The following DLGAP4 variants were observed in gnomAD, a reference collection of about 807,000 sequenced individuals.
DLGAP4 encodes the protein disks large-associated protein 4.
In DLGAP4, 18 loss-of-function variants were observed where a neutral mutation model predicts 86.9. The observed-to-expected ratio is 0.21, with a 90% CI of 0.14 to 0.31. The LOEUF is 0.31. DLGAP4 is among the 10% of genes least tolerant of loss of function. The pLI is 1.00. For missense variants in DLGAP4, 1,085 were observed against 1,362.6 expected (o/e 0.80, Z 3.21); for synonymous variants, 548 against 574.3 (o/e 0.95, Z 0.65).
At chr20:36,409,417 T>G (rs900229360) in intron 2 of DLGAP4, among the ~76,000 whole-genome samples, 5 of 110,652 alleles carry the variant, frequency 4.5e-5, no homozygotes, top group African/African-American at 1.8e-4. Flanking sequence ...TTTAACTCTT[T>G]TTTTTTTTTT....
At chr20:36,433,780 T>A (rs1253124848) in intron 3 of DLGAP4, among the ~76,000 whole-genome samples, 2 of 151,456 alleles carry the variant, frequency 1.3e-5, no homozygotes, top group African/African-American at 4.9e-5. Flanking sequence ...GCCTCCTGAG[T>A]AGCTGGGATT....
At chr20:36,478,067 G>A (rs185068796) in intron 7 of DLGAP4, among the ~76,000 whole-genome samples, 1 of 152,330 alleles carries the variant, frequency 6.6e-6, no homozygotes, top group East Asian at 1.9e-4. Context: ...GGAGGATAGA[G>A]GGTAAAGATT....
intron 1 of DLGAP4, among the ~76,000 whole-genome samples, chr20:36,344,019 A>G (rs1482164935): frequency 6.6e-6 from 1 of 152,182 alleles, no homozygotes; most frequent in African/African-American, 2.4e-5. Flanking sequence ...TCACCTTGCC[A>G]GGGGAGCCTA....
intron 7 of DLGAP4, among the ~76,000 whole-genome samples, chr20:36,467,632 G>A (rs1038049869): frequency 2.0e-5 from 3 of 152,226 alleles, no homozygotes; most frequent in Non-Finnish European, 4.4e-5. Context: ...TGACACAAGA[G>A]GGTGAGGTTT....
chr20:36,372,788 C>T (rs755113798), intron 2 of DLGAP4, among the ~76,000 whole-genome samples: 5 of 152,176 alleles, frequency 3.3e-5, no homozygotes, highest in Non-Finnish European at 5.9e-5. Context: ...AACTTACATC[C>T]GGCCAGGCAA....
chr20:36,331,415 C>T (rs946091425), intron 1 of DLGAP4, among the ~76,000 whole-genome samples: 1 of 152,246 alleles, frequency 6.6e-6, no homozygotes, highest in African/African-American at 2.4e-5. Flanking sequence ...GAACATTAAT[C>T]CACCTCATTA....
rs1255002459 is a variant in DLGAP4, at chr20:36,500,335, G to A, written c.2236G>A (p.Asp746Asn). The change falls in exon 10 of 13, where the codon GAT becomes AAT. Residue 746 changes from aspartate (D) to asparagine (N), a missense_variant. Asp to Asn is a conservative substitution (Grantham distance 23). Around this residue, in one of 2 missense-constraint regions of DLGAP4, gnomAD observed 1,082 missense variants for 1,344.1 expected, o/e 0.81. Coordinates refer to ENST00000339266, the MANE Select transcript of DLGAP4 (RefSeq NM_001365621.2). This position sits in a 1 kb window ranked among gnomAD's most constrained non-coding sequence, Gnocchi z 4.6. ...CTPHPNSISI[D>N]AGPRQAPKIA... Reference sequence around the variant, plus strand: ...CCCTCACCCCAACTCCATCAGCATCGATGCCGGTCCCCGGCAGGCCCCCAA... The same window carrying A: ...CCCTCACCCCAACTCCATCAGCATCAATGCCGGTCCCCGGCAGGCCCCCAA... 8.1e-6 allele frequency: 13 copies of A among 1,613,834 alleles called. No homozygotes were observed. The highest frequency in any genetic ancestry group is 1.3e-5 in the African/African-American group (1 of 75,060).
intron 2 of DLGAP4, among the ~76,000 whole-genome samples, chr20:36,422,591 G>C (rs2147522025): frequency 2.0e-5 from 3 of 152,322 alleles, no homozygotes; most frequent in East Asian, 3.9e-4. Flanking sequence ...GCAGTCAGGT[G>C]AGTTTTGTGT....
intron 2 of DLGAP4, among the ~76,000 whole-genome samples, chr20:36,396,376 CCCACATACACACATG>C (rs1228324573): frequency 1.5e-4 from 17 of 111,892 alleles, no homozygotes; most frequent in African/African-American, 4.9e-4. Context: ...ATACACACAC[CCCACATACACACATG>C]CCACATACAC....
rs75043283 is a variant in DLGAP4 at position 36,428,359 on chromosome 20, G to T, written c.-72-3287G>T. On this transcript the variant is annotated intron_variant, in intron 2 of 12. Coordinates refer to ENST00000339266, the MANE Select transcript of DLGAP4 (RefSeq NM_001365621.2). ...CATATTGGACAGCTCAGATCTAGGGGAAGATGGACAAGAAACTAGCAAACA... is the reference window on the plus strand; with the variant it reads ...CATATTGGACAGCTCAGATCTAGGGTAAGATGGACAAGAAACTAGCAAACA... Among the ~76,000 whole-genome samples the T allele has an allele frequency of 5.1e-3, 782 of 152,328 alleles. 4 individuals carry two copies. Among genetic ancestry groups the T allele is most frequent in the Admixed American group, 0.012 (191 of 15,296 alleles).
intron 1 of DLGAP4, among the ~76,000 whole-genome samples, chr20:36,361,949 A>G (rs1455168289): frequency 6.8e-6 from 1 of 147,126 alleles, no homozygotes; most frequent in Non-Finnish European, 1.5e-5. Context: ...ACTGCACTCC[A>G]GCGTGGATGA....
intron 2 of DLGAP4, among the ~76,000 whole-genome samples, chr20:36,388,099 G>A (rs189550447): frequency 1.5e-3 from 233 of 152,200 alleles, no homozygotes; most frequent in African/African-American, 5.3e-3. Flanking sequence ...TTGCAAAGTC[G>A]CCCTAGGAGG....
chr20:36,375,619 G>A lies in DLGAP4; in HGVS notation c.-73+8344G>A, dbSNP rs375221004. On this transcript the variant is annotated intron_variant, in intron 2 of 12. Transcript: ENST00000339266. ...GCATGAGATATGAGAGGTAAGTGCTGATCACTCAGGGATCTCTGGAGCCAA... is the reference window on the plus strand; with the variant it reads ...GCATGAGATATGAGAGGTAAGTGCTAATCACTCAGGGATCTCTGGAGCCAA... Among the ~76,000 whole-genome samples, 40 of 152,278 alleles carry A rather than the reference G, an allele frequency of 2.6e-4. 3 individuals are homozygous for A. Among genetic ancestry groups the A allele is most frequent in the East Asian group, 1.7e-3 (9 of 5,156 alleles).
chr20:36,385,330 G>A (rs2425237), intron 2 of DLGAP4, among the ~76,000 whole-genome samples: 85,345 of 151,908 alleles, frequency 0.56, 25,801 homozygotes, highest in South Asian at 0.82. Context: ...TAGCGGAAGA[G>A]CACGGTAATC....
chr20:36,349,182 G>A (rs1404384723), intron 1 of DLGAP4, among the ~76,000 whole-genome samples: 1 of 149,496 alleles, frequency 6.7e-6, no homozygotes, highest in Non-Finnish European at 1.5e-5. Context: ...ACTTTGGGAG[G>A]CTGAGGCGGG....
Position 36,500,085 on chromosome 20 carries a change from T to A in DLGAP4, c.2100-114T>A. On this transcript the variant is annotated intron_variant, in intron 9 of 12. Transcript: ENST00000339266. This position sits in a 1 kb window ranked among gnomAD's most constrained non-coding sequence, Gnocchi z 4.6. ...CCGCTTCAGGCGCATGGTGAGCAGATGATGCATCCGTTTCTCTGTCTCCCG... is the reference window on the plus strand; with the variant it reads ...CCGCTTCAGGCGCATGGTGAGCAGAAGATGCATCCGTTTCTCTGTCTCCCG... 1.6e-6 allele frequency: 2 copies of A among 1,229,956 alleles called. No individual in the cohort carries two copies. Among genetic ancestry groups the A allele is most frequent in the Non-Finnish European group, 2.3e-6 (2 of 888,516 alleles). The allele number at this position is 1,229,956 out of a possible 1,614,324, so 76.2% of individuals were successfully genotyped here.
chr20:36,312,567 T>C (rs2147332740), intron 1 of DLGAP4, among the ~76,000 whole-genome samples: 1 of 152,206 alleles, frequency 6.6e-6, no homozygotes, highest in South Asian at 2.1e-4. Flanking sequence ...GGTTCTGTCT[T>C]TGATGATGTG....
intron 2 of DLGAP4, among the ~76,000 whole-genome samples, chr20:36,391,500 A>G (rs1416883840): frequency 3.3e-5 from 5 of 151,348 alleles, no homozygotes; most frequent in African/African-American, 9.8e-5. Flanking sequence ...CCCACCTGTC[A>G]CCAATTGAAG....
chr20:36,362,913 A>G (rs115813475), intron 1 of DLGAP4, among the ~76,000 whole-genome samples: 2,099 of 152,324 alleles, frequency 0.014, 43 homozygotes, highest in African/African-American at 0.046. Context: ...AGAAGGCTCT[A>G]TAACTACCCC....
Sources: allele counts gnomAD v4.1 joint callset (sites outside exome capture counted in the v4.1 genomes callset), GRCh38; gene constraint gnomAD v4.1.1; regional missense constraint gnomAD v4.1.1; non-coding constraint Gnocchi (gnomAD v3.1); transcripts MANE v1.5; gene names NCBI Gene and HGNC (gene_info 2026-07-23, HGNC 2026-07-21).